SHH: variants seen among roughly 807,000 people sequenced by gnomAD.
SHH encodes the protein sonic hedgehog signaling molecule, also known as sonic hedgehog protein.
SHH carries 3 observed loss-of-function variants against 16.6 expected under a neutral mutation model. That is an observed-to-expected ratio of 0.18 (90% CI 0.08 to 0.47). The LOEUF (loss-of-function observed/expected upper bound fraction) is 0.47, where lower values mean the gene tolerates loss of function less well. Ranked by LOEUF, SHH falls within the 20% of genes least tolerant of loss-of-function variation. The pLI, the probability that SHH is intolerant of heterozygous loss-of-function variation, is 0.98. For missense variants in SHH, 499 were observed against 665.0 expected, an observed-to-expected ratio of 0.75 and a Z score of 2.75; for synonymous variants, 351 against 316.2, an observed-to-expected ratio of 1.11 and a Z score of -1.17.
At position 155,802,867 on chromosome 7, in the gene SHH, C is replaced by G. The variant is rs774625374; in HGVS notation, c.*33G>C. The G allele has an allele frequency of 1.5e-6, 1 of 651,614 alleles. No homozygotes were observed. The highest frequency in any genetic ancestry group is 2.3e-6 in the Non-Finnish European group (1 of 432,604). The allele number at this position is 651,614 out of a possible 1,614,324, so 40.4% of individuals were successfully genotyped here. A position where few individuals can be genotyped will look rare whatever the true frequency, so the allele number is the denominator to read the frequency against. On this transcript the variant is annotated 3_prime_UTR_variant, in exon 3 of 3. Coordinates refer to ENST00000297261, the MANE Select transcript of SHH (RefSeq NM_000193.4). ...CGTTGCTGTTGCTGCCCCGCCCCGC[C>G]CCCTCCCGCGCCCCTCCCCCGGCCC...
Position 155,802,860 on chromosome 7 carries a change from G to GCCC in SHH, c.*37_*39dup. On this transcript the variant is annotated 3_prime_UTR_variant, in exon 3 of 3. Coordinates refer to ENST00000297261, the MANE Select transcript of SHH (RefSeq NM_000193.4). ...TGCTTTGCGTTGCTGTTGCTGCCCCGCCCCGCCCCCTCCCGCGCCCCTCCC... is the reference window on the plus strand; with the variant it reads ...TGCTTTGCGTTGCTGTTGCTGCCCCGCCCCCCCGCCCCCTCCCGCGCCCCTCCC... 6.4e-6 allele frequency: 2 copies of GCCC among 313,080 alleles called. No individual in the cohort carries two copies. Among genetic ancestry groups the GCCC allele is most frequent in the Non-Finnish European group, 1.1e-5 (2 of 180,422 alleles). 19.4% of individuals were successfully genotyped at this position (313,080 alleles called of 1,614,324 possible). A position where few individuals can be genotyped will look rare whatever the true frequency, so the allele number is the denominator to read the frequency against.
At position 155,807,172 on chromosome 7, in the gene SHH, G is replaced by T. The variant is rs1299080141; in HGVS notation, c.301-615C>A. The T allele has an allele frequency of 1.3e-5, 2 of 158,960 alleles. No homozygotes were observed. The highest frequency in any genetic ancestry group is 2.8e-5 in the Non-Finnish European group (2 of 71,678). 9.8% of individuals were successfully genotyped at this position (158,960 alleles called of 1,614,324 possible). On this transcript the variant is annotated intron_variant, in intron 1 of 2. Transcript: ENST00000297261. The surrounding 1 kb of genome is among the most constrained non-coding windows in gnomAD (Gnocchi z 7.1). ...GGCAGAGGGGAGGCGAGAAGCCGCT[G>T]GCGGGGCTGCGCGGTGGGCGGGAGC...
intron 2 of SHH, among the ~76,000 whole-genome samples, chr7:155,804,407 C>T (rs981321480): frequency 7.2e-5 from 11 of 152,154 alleles, no homozygotes; most frequent in Non-Finnish European, 1.6e-4. Context: ...TAATTAAAAT[C>T]CAATAAAGGG....
At position 155,802,959 on chromosome 7, in the gene SHH, T is replaced by C. The variant is rs1803230001; in HGVS notation, c.1330A>G (p.Thr444Ala). 6.5e-7 allele frequency: 1 copy of C among 1,540,676 alleles called. No individual in the cohort carries two copies. The highest frequency in any genetic ancestry group is 1.2e-5 in the South Asian group (1 of 82,622). ...WYSQLLYQIG[T>A]WLLDSEALHP... ...AGGGCCTCGCTGTCCAGGAGCCAGG[T>C]GCCTATTTGGTAGAGCAGCTGCGAG... Residue 444 changes from threonine to alanine, a missense_variant, in exon 3 of 3, where the codon ACC becomes GCC. By Grantham distance (58) the Thr-to-Ala change is moderately conservative (BLOSUM62 0). Around this residue, in one of 4 missense-constraint regions of SHH, gnomAD observed 299 missense variants for 301.1 expected, o/e 0.99. Transcript: ENST00000297261.
At position 155,802,906 on chromosome 7, in the gene SHH, G is replaced by A; in HGVS notation, c.1383C>T (p.Ser461=). 1 of 1,429,100 alleles carries A rather than the reference G, an allele frequency of 7.0e-7. No individual in the cohort carries two copies. Among genetic ancestry groups the A allele is most frequent in the South Asian group, 1.5e-5 (1 of 68,410 alleles). The allele number at this position is 1,429,100 out of a possible 1,614,324, so 88.5% of individuals were successfully genotyped here. The change falls in exon 3 of 3, where the codon TCC becomes TCT. Residue 461 remains serine (S), a synonymous_variant. Coordinates refer to ENST00000297261, the MANE Select transcript of SHH (RefSeq NM_000193.4). ...ALHPLGMAVK[S]S is the part of the protein sequence containing the mutation. ...CTCCCCCGGCCCCCCGGCTTCAGCT[G>A]GACTTGACCGCCATGCCCAGCGGGT...
In SHH at chr7:155,802,197, G is replaced by T. The variant is rs1055913344; in HGVS notation, c.*703C>A. The stretch of plus-strand genomic sequence containing the variant: ...AAAATGGTGAATACAAAGGGAATAT[G>T]AAACCATAAAGACAACAGAGGAGAT... On this transcript the variant is annotated 3_prime_UTR_variant, in exon 3 of 3. Coordinates refer to ENST00000297261, the MANE Select transcript of SHH (RefSeq NM_000193.4). The T allele has an allele frequency of 2.6e-5, 4 of 151,776 alleles. No homozygotes were observed. The highest frequency in any genetic ancestry group is 5.9e-5 in the Non-Finnish European group (4 of 67,952). The allele number at this position is 151,776 out of a possible 1,614,324, so 9.4% of individuals were successfully genotyped here. A position where few individuals can be genotyped will look rare whatever the true frequency, so the allele number is the denominator to read the frequency against.
At position 155,809,370 on chromosome 7, in the gene SHH, C is replaced by A. The variant is rs185702199; in HGVS notation, c.300+2453G>T. ...GGTGGTTATTTAAAATGAGGGCGGCCGAGCAGGCTCCCCAAACCTCCCGCC... is the reference window on the plus strand; with the variant it reads ...GGTGGTTATTTAAAATGAGGGCGGCAGAGCAGGCTCCCCAAACCTCCCGCC... On this transcript the variant is annotated intron_variant, in intron 1 of 2. Transcript: ENST00000297261. The surrounding 1 kb of genome is among the most constrained non-coding windows in gnomAD (Gnocchi z 6.1). 6.6e-6 allele frequency among the ~76,000 whole-genome samples: 1 copy of A among 152,136 alleles called. No individual in the cohort carries two copies. Among genetic ancestry groups the A allele is most frequent in the East Asian group, 1.9e-4 (1 of 5,148 alleles).
At position 155,807,806 on chromosome 7, in the gene SHH, T is replaced by C. The variant is rs1803405745; in HGVS notation, c.301-1249A>G. ...GCGCCAAGTGGAGGCCGAGGGGCAA[T>C]TTCAAGGTGACTTCTGCAGAGGGCG... On this transcript the variant is annotated intron_variant, in intron 1 of 2. Coordinates refer to ENST00000297261, the MANE Select transcript of SHH (RefSeq NM_000193.4). This position sits in a 1 kb window ranked among gnomAD's most constrained non-coding sequence, Gnocchi z 7.1. Among the ~76,000 whole-genome samples, 3 of 151,758 alleles carry C rather than the reference T, an allele frequency of 2.0e-5. No homozygotes were observed. The highest frequency in any genetic ancestry group is 7.3e-5 in the African/African-American group (3 of 41,288).
In SHH at chr7:155,811,889, G is replaced by A; in HGVS notation, c.234C>T (p.Pro78=). The change falls in exon 1 of 3, where the codon CCC becomes CCT. Residue 78 remains proline (P), a synonymous_variant. Transcript: ENST00000297261. ...RNSERFKELT[P]NYNPDIIFKD... Reference sequence around the variant, plus strand: ...TAAATATGATGTCGGGGTTGTAATTGGGGGTGAGTTCCTTAAATCGCTCGG... The same window carrying A: ...TAAATATGATGTCGGGGTTGTAATTAGGGGTGAGTTCCTTAAATCGCTCGG... 1.2e-6 allele frequency: 2 copies of A among 1,614,140 alleles called. No homozygotes were observed. The highest frequency in any genetic ancestry group is 1.7e-6 in the Non-Finnish European group (2 of 1,180,022).
chr7:155,812,267 G>A lies in SHH; in HGVS notation c.-145C>T, dbSNP rs1803540385. 1 of 784,140 alleles carries A rather than the reference G, an allele frequency of 1.3e-6. No individual in the cohort carries two copies. The highest frequency in any genetic ancestry group is 2.2e-6 in the Non-Finnish European group (1 of 460,442). 48.6% of individuals were successfully genotyped at this position (784,140 alleles called of 1,614,324 possible). On this transcript the variant is annotated 5_prime_UTR_variant, in exon 1 of 3. Coordinates refer to ENST00000297261, the MANE Select transcript of SHH (RefSeq NM_000193.4). ...CCGCTCGCTCTCTCCCTCGCTGGCTGCCTCGCTCTTTCTCTTCCTATATAA... is the reference window on the plus strand; with the variant it reads ...CCGCTCGCTCTCTCCCTCGCTGGCTACCTCGCTCTTTCTCTTCCTATATAA...
rs188665052 is a variant in SHH, at chr7:155,810,724, C to G, written c.300+1099G>C. On this transcript the variant is annotated intron_variant, in intron 1 of 2. Transcript: ENST00000297261. ...CGGCACGGAGGTAGCTCCTCTCTCT[C>G]TGCCGTCAGTACCCTCCCCCTGCAC... Among the ~76,000 whole-genome samples, 7 of 152,384 alleles carry G rather than the reference C, an allele frequency of 4.6e-5. No homozygotes were observed. In the East Asian group the frequency reaches 1.3e-3, roughly 29 times the overall value.
intron 1 of SHH, among the ~76,000 whole-genome samples, chr7:155,808,132 AGT>A (rs1803414092): frequency 6.6e-6 from 1 of 152,168 alleles, no homozygotes; most frequent in Non-Finnish European, 1.5e-5. Flanking sequence ...GTAACAGGTC[AGT>A]GCCTGCATGT....
chr7:155,810,896 G>A (rs1322516646), intron 1 of SHH, among the ~76,000 whole-genome samples: 1 of 152,270 alleles, frequency 6.6e-6, no homozygotes, highest in Non-Finnish European at 1.5e-5. Flanking sequence ...CGTGCATGGA[G>A]TTTCAGAAAG....
chr7:155,810,074 G>A (rs1326154519), intron 1 of SHH, among the ~76,000 whole-genome samples: 1 of 152,162 alleles, frequency 6.6e-6, no homozygotes, highest in Non-Finnish European at 1.5e-5. Flanking sequence ...AGCAGAGCCC[G>A]GCGGCTCCAG....
chr7:155,800,208 G>C lies in SHH; in HGVS notation c.*2692C>G, dbSNP rs1001700118. ...CTGGGCTGCACCCTCTTGATGCCCT[G>C]TACCTAGTGTCTCTAAGCAGTGGTT... On this transcript the variant is annotated 3_prime_UTR_variant, in exon 3 of 3. Coordinates refer to ENST00000297261, the MANE Select transcript of SHH (RefSeq NM_000193.4). 4.0e-5 allele frequency: 19 copies of C among 470,974 alleles called. No homozygotes were observed. The highest frequency in any genetic ancestry group is 7.9e-5 in the Non-Finnish European group (18 of 227,070). 29.2% of individuals were successfully genotyped at this position (470,974 alleles called of 1,614,324 possible).
chr7:155,806,670 G>T, intron 1 of SHH, 113 bp from the exon 2 acceptor site: 1 of 1,308,224 alleles, frequency 7.6e-7, no homozygotes, highest in Admixed American at 1.7e-5. Flanking sequence ...AGGGCCATGC[G>T]GAGAGGTGGG....
chr7:155,805,536 G>T (rs1404205583), intron 2 of SHH, among the ~76,000 whole-genome samples: 1 of 152,248 alleles, frequency 6.6e-6, no homozygotes. Context: ...TGCGGGCGGA[G>T]AAGAGCGCTG....
At chr7:155,811,068 T>G (rs1803512388) in intron 1 of SHH, among the ~76,000 whole-genome samples, 1 of 152,242 alleles carries the variant, frequency 6.6e-6, no homozygotes, top group Non-Finnish European at 1.5e-5. Context: ...GCAATGCCAA[T>G]AAGTTCTAAG....
At chr7:155,810,120 G>T (rs1335031840) in intron 1 of SHH, among the ~76,000 whole-genome samples, 1 of 152,202 alleles carries the variant, frequency 6.6e-6, no homozygotes. Context: ...TAGCCGCGGG[G>T]GATCGATAAC....
Sources: gnomAD v4.1 joint callset for allele counts (sites outside exome capture counted in the v4.1 genomes callset) on GRCh38, gnomAD v4.1.1 for gene constraint, gnomAD v4.1.1 regional missense constraint, Gnocchi (gnomAD v3.1) non-coding constraint, MANE v1.5 for transcripts, NCBI Gene and HGNC (gene_info 2026-07-23, HGNC 2026-07-21) for gene names.